Variants in TMC1 observed in about 807,000 individuals in gnomAD.
TMC1 encodes transmembrane channel-like protein 1.
In TMC1, 84 loss-of-function variants were observed where a neutral mutation model predicts 105.8. The observed-to-expected ratio is 0.79, with a 90% CI of 0.67 to 0.95. The LOEUF is 0.95. TMC1 is among the 40% of genes least tolerant of loss of function. TMC1 has a pLI of 0.00. For synonymous variants in TMC1, 315 were observed against 311.5 expected, an observed-to-expected ratio of 1.01 and a Z score of -0.12; for missense variants, 817 against 914.1, an observed-to-expected ratio of 0.89 and a Z score of 1.37.
chr9:72,835,935 T>TTTTTTTTTTTAA lies in TMC1; in HGVS notation c.2261-16_2261-15insTTTTTTTTTTAA. ...TCCTTGTTTTTTTTTTTTTTTTTTT[T>TTTTTTTTTTTAA]CTGTTTTGTGAACAGCTGCAGCTGC... On this transcript the variant is annotated splice_polypyrimidine_tract_variant and intron_variant, in intron 23 of 23. Coordinates refer to ENST00000297784, the MANE Select transcript of TMC1 (RefSeq NM_138691.3). The TTTTTTTTTTTAA allele has an allele frequency of 6.5e-7, 1 of 1,545,882 alleles. No individual in the cohort carries two copies. Among genetic ancestry groups the TTTTTTTTTTTAA allele is most frequent in the Non-Finnish European group, 8.7e-7 (1 of 1,150,154 alleles).
intron 8 of TMC1, among the ~76,000 whole-genome samples, chr9:72,709,781 T>C (rs1288112599): frequency 6.6e-6 from 1 of 152,236 alleles, no homozygotes; most frequent in Non-Finnish European, 1.5e-5. Flanking sequence ...GCTAATCGTC[T>C]ATCAATTTTA....
chr9:72,537,281 T>C (rs1823601902), intron 1 of TMC1, among the ~76,000 whole-genome samples: 1 of 152,196 alleles, frequency 6.6e-6, no homozygotes, highest in Admixed American at 6.5e-5. Context: ...GGGGCCTTTT[T>C]TTTCCAAAGT....
At position 72,628,050 on chromosome 9, in the gene TMC1, C is replaced by A. The variant is rs1403103739; in HGVS notation, c.-66C>A. ...AGTGGTCTGGTGAATGCTTAAGGAG[C>A]TGCAGAAGGGAAGGTAGTGAGGAGA... On this transcript the variant is annotated 5_prime_UTR_variant, in exon 4 of 24. It adds an upstream start codon to the 5' untranslated region. Transcript: ENST00000297784. 2.2e-6 allele frequency: 1 copy of A among 455,786 alleles called. No individual in the cohort carries two copies. Among genetic ancestry groups the A allele is most frequent in the African/African-American group, 2.0e-5 (1 of 50,164 alleles). The allele number at this position is 455,786 out of a possible 1,614,324, so 28.2% of individuals were successfully genotyped here.
intron 2 of TMC1, among the ~76,000 whole-genome samples, chr9:72,588,095 C>T (rs1319554911): frequency 6.6e-6 from 1 of 151,996 alleles, no homozygotes; most frequent in East Asian, 1.9e-4. Flanking sequence ...AGAGAGAGTG[C>T]ATTTTTGTCT....
intron 1 of TMC1, among the ~76,000 whole-genome samples, chr9:72,572,475 T>C (rs1425847393): frequency 2.0e-5 from 3 of 152,206 alleles, no homozygotes; most frequent in African/African-American, 7.2e-5. Flanking sequence ...ATTTTTTAGA[T>C]ATTGTTAACG....
chr9:72,714,588 C>T (rs1826888541), intron 8 of TMC1, among the ~76,000 whole-genome samples: 1 of 142,414 alleles, frequency 7.0e-6, no homozygotes, highest in Non-Finnish European at 1.5e-5. Flanking sequence ...GGATTGGAAC[C>T]TCTGCTTTTT....
At chr9:72,659,571 C>T (rs972491847) in intron 5 of TMC1, among the ~76,000 whole-genome samples, 5 of 152,218 alleles carry the variant, frequency 3.3e-5, no homozygotes, top group Non-Finnish European at 4.4e-5. Flanking sequence ...AAGGGGGAGC[C>T]TGTGGTGAGT....
chr9:72,631,271 C>A (rs1825444903), intron 4 of TMC1, among the ~76,000 whole-genome samples: 1 of 152,094 alleles, frequency 6.6e-6, no homozygotes, highest in Non-Finnish European at 1.5e-5. Context: ...ATTACAAATG[C>A]AAATTAAAAT....
intron 5 of TMC1, among the ~76,000 whole-genome samples, chr9:72,675,754 G>A (rs1458299115): frequency 1.3e-5 from 2 of 152,146 alleles, no homozygotes; most frequent in African/African-American, 4.8e-5. Context: ...TTGGCAGACT[G>A]TCAAGCTCTT....
intron 17 of TMC1, among the ~76,000 whole-genome samples, chr9:72,802,426 A>G (rs1366397801): frequency 6.6e-6 from 1 of 152,206 alleles, no homozygotes; most frequent in South Asian, 2.1e-4. Context: ...GTGTGATTAT[A>G]TAATTGGAAG....
intron 1 of TMC1, among the ~76,000 whole-genome samples, chr9:72,534,117 A>C (rs1823541014): frequency 6.6e-6 from 1 of 152,210 alleles, no homozygotes; most frequent in Non-Finnish European, 1.5e-5. Flanking sequence ...TGGGTAACAG[A>C]GTGAGAATCT....
chr9:72,726,031 C>T (rs916882731), intron 8 of TMC1, among the ~76,000 whole-genome samples: 1 of 152,178 alleles, frequency 6.6e-6, no homozygotes, highest in Non-Finnish European at 1.5e-5. Flanking sequence ...ACAGACATGC[C>T]TAGGATTAAT....
intron 17 of TMC1, 115 bp from the exon 18 acceptor site, chr9:72,805,267 C>T (rs1334599999): frequency 6.9e-6 from 7 of 1,021,880 alleles, no homozygotes; most frequent in African/African-American, 1.6e-5. Context: ...CTTCTTTTGC[C>T]ATTAATTGCA....
intron 2 of TMC1, among the ~76,000 whole-genome samples, chr9:72,610,488 G>A (rs1430145318): frequency 6.6e-6 from 1 of 152,146 alleles, no homozygotes; most frequent in Non-Finnish European, 1.5e-5. Context: ...AGAAGCCAAT[G>A]TTTCAGTTAA....
chr9:72,763,823 T>TG (rs1271247561), intron 12 of TMC1, among the ~76,000 whole-genome samples: 2 of 150,666 alleles, frequency 1.3e-5, no homozygotes, highest in Non-Finnish European at 3.0e-5. Context: ...GTAACTTAAG[T>TG]GGGGGGTAGG....
chr9:72,722,362 G>C (rs541084542), intron 8 of TMC1, among the ~76,000 whole-genome samples: 2 of 152,214 alleles, frequency 1.3e-5, no homozygotes, highest in Admixed American at 1.3e-4. Context: ...CCAGGTACCT[G>C]TTATCACTTT....
At chr9:72,538,451 T>TGTATTGTATTGTATCATA (rs1564397043) in intron 1 of TMC1, among the ~76,000 whole-genome samples, 1 of 146,948 alleles carries the variant, frequency 6.8e-6, no homozygotes, top group African/African-American at 2.5e-5. Context: ...TGTATCGTAT[T>TGTATTGTATTGTATCATA]TTTGAGACAG....
chr9:72,820,491 T>A (rs1828849326), intron 19 of TMC1, among the ~76,000 whole-genome samples: 1 of 152,140 alleles, frequency 6.6e-6, no homozygotes, highest in Non-Finnish European at 1.5e-5. Flanking sequence ...GATATAAGTG[T>A]TGGGGAAAGT....
At chr9:72,786,731 T>A (rs1320709330) in intron 13 of TMC1, among the ~76,000 whole-genome samples, 2 of 152,194 alleles carry the variant, frequency 1.3e-5, no homozygotes, top group Non-Finnish European at 2.9e-5. Flanking sequence ...TCTTTCCTTA[T>A]TCCTTTCAGT....
Sources: allele counts gnomAD v4.1 joint callset (sites outside exome capture counted in the v4.1 genomes callset), GRCh38; gene constraint gnomAD v4.1.1; transcripts MANE v1.5; gene names NCBI Gene and HGNC (gene_info 2026-07-23, HGNC 2026-07-21).